Variants in STXBP5L observed in about 807,000 individuals in gnomAD.
STXBP5L encodes the protein syntaxin-binding protein 5-like.
In STXBP5L, 65 loss-of-function variants were observed where a neutral mutation model predicts 144.5. The observed-to-expected ratio is 0.45, with a 90% CI of 0.37 to 0.55. The LOEUF (loss-of-function observed/expected upper bound fraction) is 0.55. Among genes scored for constraint, STXBP5L ranks in the 20% least tolerant of loss-of-function variants. The probability of loss-of-function intolerance (pLI) is 0.00; values close to 1 mark genes in which losing one functional copy is unlikely to be tolerated. For missense variants in STXBP5L, 1,298 were observed against 1,405.5 expected, an observed-to-expected ratio of 0.92 and a Z score of 1.22; for synonymous variants, 505 against 469.6, an observed-to-expected ratio of 1.08 and a Z score of -0.97.
intron 20 of STXBP5L, among the ~76,000 whole-genome samples, chr3:121,335,732 C>T (rs2044482929): frequency 6.6e-6 from 1 of 152,162 alleles, no homozygotes; most frequent in African/African-American, 2.4e-5. Context: ...AAGATTGAAG[C>T]TGGATCCCTT....
At chr3:120,972,958 T>G (rs1403793020) in intron 3 of STXBP5L, among the ~76,000 whole-genome samples, 1 of 152,174 alleles carries the variant, frequency 6.6e-6, no homozygotes, top group Non-Finnish European at 1.5e-5. Context: ...GATGTGCTGT[T>G]GAATTTGGTT....
chr3:120,991,322 C>G (rs1942845275), intron 3 of STXBP5L, among the ~76,000 whole-genome samples: 1 of 151,468 alleles, frequency 6.6e-6, no homozygotes, highest in Admixed American at 6.6e-5. Context: ...ATTAAAAAGT[C>G]AGGAAACAAC....
At chr3:121,351,223 A>G (rs2045267380) in intron 20 of STXBP5L, among the ~76,000 whole-genome samples, 1 of 151,908 alleles carries the variant, frequency 6.6e-6, no homozygotes, top group South Asian at 2.1e-4. Context: ...CCTGAGTTCC[A>G]CTCCAGACCC....
intron 9 of STXBP5L, among the ~76,000 whole-genome samples, chr3:121,201,301 T>C (rs942451442): frequency 1.3e-5 from 2 of 152,206 alleles, no homozygotes; most frequent in Non-Finnish European, 2.9e-5. Flanking sequence ...TCTTTGTTGG[T>C]TTAAAGTCTG....
In STXBP5L at chr3:121,336,802, G is replaced by C. The variant is rs148324234; in HGVS notation, c.2176+18262G>C. Reference sequence around the variant, plus strand: ...CATTCTACCATAAAAACACATGCACGTGTGTATTCATTGCAGCACTTACAA... The same window carrying C: ...CATTCTACCATAAAAACACATGCACCTGTGTATTCATTGCAGCACTTACAA... On this transcript the variant is annotated intron_variant, in intron 20 of 26. Transcript: ENST00000471454. Among the ~76,000 whole-genome samples the C allele has an allele frequency of 6.2e-3, 938 of 152,142 alleles. 5 individuals are homozygous for C. Among genetic ancestry groups the C allele is most frequent in the Middle Eastern group, 0.024 (7 of 292 alleles).
intron 20 of STXBP5L, among the ~76,000 whole-genome samples, chr3:121,321,490 G>T (rs944019825): frequency 2.0e-5 from 3 of 152,046 alleles, no homozygotes; most frequent in African/African-American, 7.2e-5. Flanking sequence ...ATATACAATA[G>T]CCACACATAC....
At chr3:121,198,660 T>C (rs1014809108) in intron 9 of STXBP5L, among the ~76,000 whole-genome samples, 1 of 152,242 alleles carries the variant, frequency 6.6e-6, no homozygotes, top group Admixed American at 6.5e-5. Context: ...CTAATTTTTG[T>C]ATAAGGTGTA....
intron 5 of STXBP5L, among the ~76,000 whole-genome samples, chr3:121,091,777 T>G (rs1364199771): frequency 2.6e-5 from 4 of 152,226 alleles, no homozygotes; most frequent in African/African-American, 9.6e-5. Context: ...CTCTTTAGTT[T>G]AATTAGATCC....
At chr3:121,287,347 C>G (rs2051265949) in intron 19 of STXBP5L, among the ~76,000 whole-genome samples, 2 of 152,128 alleles carry the variant, frequency 1.3e-5, no homozygotes, top group Admixed American at 1.3e-4. Context: ...TTAATGAAAT[C>G]TGCCAAAAAC....
At chr3:121,268,303 G>A (rs937007943) in intron 18 of STXBP5L, among the ~76,000 whole-genome samples, 1 of 152,138 alleles carries the variant, frequency 6.6e-6, no homozygotes, top group Non-Finnish European at 1.5e-5. Context: ...ACTAACACAG[G>A]AACAGAAAAC....
At chr3:120,983,417 G>A (rs946329375) in intron 3 of STXBP5L, among the ~76,000 whole-genome samples, 8 of 152,120 alleles carry the variant, frequency 5.3e-5, no homozygotes, top group African/African-American at 1.7e-4. Context: ...TTGGGGCCTT[G>A]TGAAGGTGTT....
chr3:121,378,660 C>A, intron 20 of STXBP5L, 56 bp from the exon 21 acceptor site: 2 of 1,539,862 alleles, frequency 1.3e-6, no homozygotes, highest in Non-Finnish European at 1.8e-6. Flanking sequence ...CGCTTGTATT[C>A]CTTTGTATTA....
At chr3:121,002,679 A>T (rs1459117233) in intron 3 of STXBP5L, among the ~76,000 whole-genome samples, 1 of 152,118 alleles carries the variant, frequency 6.6e-6, no homozygotes, top group East Asian at 1.9e-4. Context: ...TACATTAGGT[A>T]TACCTCCTAA....
At chr3:121,175,788 A>C (rs1319998922) in intron 9 of STXBP5L, among the ~76,000 whole-genome samples, 1 of 152,096 alleles carries the variant, frequency 6.6e-6, no homozygotes, top group Admixed American at 6.6e-5. Context: ...TTTTGAAAAA[A>C]GCAAGACTCA....
At chr3:121,369,150 T>A (rs1254867413) in intron 20 of STXBP5L, among the ~76,000 whole-genome samples, 1 of 152,268 alleles carries the variant, frequency 6.6e-6, no homozygotes, top group African/African-American at 2.4e-5. Flanking sequence ...GGGGCATAGG[T>A]AGCTACTACT....
intron 3 of STXBP5L, among the ~76,000 whole-genome samples, chr3:120,980,281 TC>T (rs1186575540): frequency 5.3e-5 from 8 of 152,276 alleles, no homozygotes; most frequent in Admixed American, 1.3e-4. Context: ...TGTTGATTTT[TC>T]TGCCTCAATG....
chr3:120,939,812 C>T (rs7618583), intron 2 of STXBP5L, among the ~76,000 whole-genome samples: 12,166 of 152,042 alleles, frequency 0.08, 702 homozygotes, highest in Non-Finnish European at 0.12. Flanking sequence ...AACATGGTTT[C>T]CGGTACAAGT....
chr3:121,145,616 G>A (rs936669663), intron 7 of STXBP5L, among the ~76,000 whole-genome samples: 13 of 151,772 alleles, frequency 8.6e-5, no homozygotes, highest in Admixed American at 4.0e-4. Context: ...ATGAAGAAAA[G>A]AATAAAGAAC....
chr3:121,066,225 T>C (rs1264031861), intron 5 of STXBP5L, among the ~76,000 whole-genome samples: 2 of 152,190 alleles, frequency 1.3e-5, no homozygotes, highest in African/African-American at 4.8e-5. Flanking sequence ...AGAACAGTGG[T>C]TTTCTTGTCT....
Sources: allele counts gnomAD v4.1 joint callset (sites outside exome capture counted in the v4.1 genomes callset), GRCh38; gene constraint gnomAD v4.1.1; transcripts MANE v1.5; gene names NCBI Gene and HGNC (gene_info 2026-07-23, HGNC 2026-07-21).